The following ADGRL2 variants were observed in gnomAD, a reference collection of about 807,000 sequenced individuals.
The protein encoded by ADGRL2 is adhesion G protein-coupled receptor L2, also known as calcium-independent alpha-latrotoxin receptor 2.
A neutral mutation model predicts 157.4 loss-of-function variants in ADGRL2; 44 were observed. That is an observed-to-expected ratio of 0.28 (90% CI 0.22 to 0.36). The LOEUF (loss-of-function observed/expected upper bound fraction) is 0.36, where lower values mean the gene tolerates loss of function less well. Among genes scored for constraint, ADGRL2 ranks in the 10% least tolerant of loss-of-function variants. The pLI, the probability that ADGRL2 is intolerant of heterozygous loss-of-function variation, is 1.00. For synonymous variants in ADGRL2, 585 were observed against 624.7 expected (o/e 0.94, Z 0.95); for missense variants, 1,510 against 1,768.9 (o/e 0.85, Z 2.63).
chr1:81,478,458 T>C (rs759695400), intron 2 of ADGRL2, among the ~76,000 whole-genome samples: 1 of 152,180 alleles, frequency 6.6e-6, no homozygotes, highest in Non-Finnish European at 1.5e-5. Flanking sequence ...TCCATTCCAT[T>C]TTCTTGGAGC....
intron 2 of ADGRL2, among the ~76,000 whole-genome samples, chr1:81,520,805 C>G (rs1056353069): frequency 2.0e-5 from 3 of 152,122 alleles, no homozygotes; most frequent in Non-Finnish European, 4.4e-5. Flanking sequence ...TACAGTCTCT[C>G]TCATAAAAAG....
At chr1:81,946,971 G>T (rs1650082440) in intron 6 of ADGRL2, among the ~76,000 whole-genome samples, 1 of 152,126 alleles carries the variant, frequency 6.6e-6, no homozygotes. Flanking sequence ...GAAGTTCTTA[G>T]TACATAACCA....
chr1:81,384,465 T>A (rs749527725), intron 1 of ADGRL2, among the ~76,000 whole-genome samples: 1 of 152,170 alleles, frequency 6.6e-6, no homozygotes, highest in Non-Finnish European at 1.5e-5. Context: ...GGAGTGGGTA[T>A]GTGAAGGTAG....
intron 1 of ADGRL2, among the ~76,000 whole-genome samples, chr1:81,737,341 G>T (rs190921653): frequency 2.6e-5 from 4 of 152,208 alleles, no homozygotes; most frequent in African/African-American, 9.6e-5. Flanking sequence ...GGAAGCAGGC[G>T]TGTCTTCACA....
chr1:81,328,049 G>T (rs1278372942), intron 1 of ADGRL2, among the ~76,000 whole-genome samples: 3 of 152,094 alleles, frequency 2.0e-5, no homozygotes, highest in Non-Finnish European at 2.9e-5. Context: ...AAACAAAAAG[G>T]CTTTTAGAAA....
chr1:81,532,727 C>G (rs2079631179), intron 2 of ADGRL2, among the ~76,000 whole-genome samples: 2 of 151,566 alleles, frequency 1.3e-5, no homozygotes, highest in Non-Finnish European at 2.9e-5. Flanking sequence ...CCAGCCTGAG[C>G]AACATAGTGA....
intron 1 of ADGRL2, among the ~76,000 whole-genome samples, chr1:81,379,768 T>G (rs1025478939): frequency 6.6e-6 from 1 of 152,206 alleles, no homozygotes; most frequent in African/African-American, 2.4e-5. Flanking sequence ...TGTTCCTTTG[T>G]TGTCCAGCAG....
intron 1 of ADGRL2, among the ~76,000 whole-genome samples, chr1:81,395,091 T>G (rs1245499137): frequency 2.0e-5 from 3 of 151,988 alleles, no homozygotes. Context: ...TTATATTTTT[T>G]GTAGCGACGG....
At chr1:81,501,306 G>A (rs1037463438) in intron 2 of ADGRL2, among the ~76,000 whole-genome samples, 13 of 152,176 alleles carry the variant, frequency 8.5e-5, no homozygotes, top group African/African-American at 3.1e-4. Context: ...CTGAAGATTT[G>A]TCTGGAAGTA....
intron 6 of ADGRL2, among the ~76,000 whole-genome samples, chr1:81,949,566 A>C (rs1434329439): frequency 6.6e-6 from 1 of 152,154 alleles, no homozygotes; most frequent in Non-Finnish European, 1.5e-5. Context: ...ACCTTTTTCA[A>C]GGTAACGATG....
chr1:81,601,081 C>T (rs180963821), intron 3 of ADGRL2, among the ~76,000 whole-genome samples: 1 of 152,260 alleles, frequency 6.6e-6, no homozygotes, highest in Non-Finnish European at 1.5e-5. Flanking sequence ...CTAGCAACTG[C>T]GTTTTCCTTG....
Position 81,439,982 on chromosome 1 carries a change from C to G in ADGRL2, c.-301-5054C>G, listed in dbSNP as rs114841458. On this transcript the variant is annotated intron_variant, in intron 1 of 24. Transcript: ENST00000370721. Reference sequence around the variant, plus strand: ...CCCCAAAGTCAGGCTGTCTCCTCCTCTACCAACTGAGTCTGTGGTCTTTAA... The same window carrying G: ...CCCCAAAGTCAGGCTGTCTCCTCCTGTACCAACTGAGTCTGTGGTCTTTAA... Among the ~76,000 whole-genome samples, 442 of 152,356 alleles carry G rather than the reference C, an allele frequency of 2.9e-3. 1 individual carries two copies. The highest frequency in any genetic ancestry group is 0.01 in the African/African-American group (418 of 41,586).
At chr1:81,778,903 C>T (rs766146651) in intron 2 of ADGRL2, among the ~76,000 whole-genome samples, 10 of 152,176 alleles carry the variant, frequency 6.6e-5, no homozygotes, top group Non-Finnish European at 1.5e-4. Flanking sequence ...TCTTGGGCAA[C>T]TTATTCAACC....
chr1:81,821,726 T>G (rs2091004871), intron 1 of ADGRL2, among the ~76,000 whole-genome samples: 1 of 152,200 alleles, frequency 6.6e-6, no homozygotes, highest in Non-Finnish European at 1.5e-5. Context: ...TTGAGGAGTA[T>G]TACATGAGAA....
chr1:81,835,143 G>A (rs1306309492), intron 1 of ADGRL2, among the ~76,000 whole-genome samples: 1 of 152,158 alleles, frequency 6.6e-6, no homozygotes, highest in Non-Finnish European at 1.5e-5. Flanking sequence ...GTGGAAACGT[G>A]TGCAAGAGTT....
At chr1:81,825,731 T>C (rs2091424040) in intron 1 of ADGRL2, among the ~76,000 whole-genome samples, 1 of 146,174 alleles carries the variant, frequency 6.8e-6, no homozygotes, top group African/African-American at 2.5e-5. Flanking sequence ...ACATGTACTT[T>C]TGGAGACATT....
chr1:81,343,091 TC>T lies in ADGRL2; in HGVS notation c.-302+36583del, dbSNP rs201211175. ...TCTTTTCTTTTTTTCTTTTTTCTTT[TC>T]TTTTTTTTTTTTTTGAGACAGAATC... On this transcript the variant is annotated intron_variant, in intron 1 of 24. Transcript: ENST00000370721. 5.6e-5 allele frequency among the ~76,000 whole-genome samples: 7 copies of T among 125,170 alleles called. 3 individuals carry two copies. The highest frequency in any genetic ancestry group is 1.0e-4 in the Non-Finnish European group (6 of 57,814). The allele number at this position is 125,170 out of a possible 152,430, so 82.1% of individuals were successfully genotyped here.
At chr1:81,847,175 G>A (rs971464104) in intron 2 of ADGRL2, among the ~76,000 whole-genome samples, 3 of 151,812 alleles carry the variant, frequency 2.0e-5, no homozygotes, top group East Asian at 1.9e-4. Context: ...GTGTACAGCC[G>A]CAGAAGAAAG....
chr1:81,532,953 TATCTATCTATCTATCTATC>T (rs1487061741), intron 2 of ADGRL2, among the ~76,000 whole-genome samples: 1 of 145,478 alleles, frequency 6.9e-6, no homozygotes, highest in Non-Finnish European at 1.5e-5. Flanking sequence ...TCTATCTATC[TATCTATCTATCTATCTATC>T]ATCTATCTAT....
Sources: allele counts gnomAD v4.1 joint callset (sites outside exome capture counted in the v4.1 genomes callset), GRCh38; gene constraint gnomAD v4.1.1; transcripts MANE v1.5; gene names NCBI Gene and HGNC (gene_info 2026-07-23, HGNC 2026-07-21).